The following THOC2 variants were observed in gnomAD, a reference collection of about 807,000 sequenced individuals.
THOC2 encodes THO complex 2.
A neutral mutation model predicts 128.4 loss-of-function variants in THOC2; 10 were observed. That is an observed-to-expected ratio of 0.08 (90% CI 0.05 to 0.13). The LOEUF (loss-of-function observed/expected upper bound fraction) is 0.13, where lower values mean the gene tolerates loss of function less well. Among genes scored for constraint, THOC2 ranks in the 10% least tolerant of loss-of-function variants. The probability of loss-of-function intolerance (pLI) is 1.00; values close to 1 mark genes in which losing one functional copy is unlikely to be tolerated. For missense variants in THOC2, 535 were observed against 1,155.7 expected, an observed-to-expected ratio of 0.46 and a Z score of 7.79; for synonymous variants, 393 against 396.9, an observed-to-expected ratio of 0.99 and a Z score of 0.12.
chrX:123,686,545 T>C lies in THOC2; in HGVS notation c.768+3A>G. 1 of 1,183,978 alleles carries C rather than the reference T, an allele frequency of 8.4e-7. No homozygotes were observed. Among genetic ancestry groups the C allele is most frequent in the Non-Finnish European group, 1.1e-6 (1 of 879,230 alleles). On this transcript the variant is annotated splice_donor_region_variant and intron_variant, in intron 8 of 38. Transcript: ENST00000245838. ...ATATACATACATACACGTTTTTCTT[T>C]ACCTGGTAAAACTTGAATTTGAACC...
chrX:123,668,823 CTTAT>C (rs1369542235), intron 9 of THOC2, among the ~76,000 whole-genome samples: 8 of 111,688 alleles, frequency 7.2e-5, no homozygotes, highest in African/African-American at 9.8e-5. Context: ...TTTCTAGGAG[CTTAT>C]TTAAGTCACA....
intron 7 of THOC2, among the ~76,000 whole-genome samples, chrX:123,687,855 C>T (rs747132885): frequency 9.0e-5 from 10 of 111,463 alleles, no homozygotes; most frequent in Non-Finnish European, 1.7e-4. Flanking sequence ...ATGTCTTACT[C>T]AAAAAAAGCT....
chrX:123,730,198 T>TA (rs1242721497), intron 1 of THOC2, among the ~76,000 whole-genome samples: 1 of 102,734 alleles, frequency 9.7e-6, no homozygotes, highest in Admixed American at 1.1e-4. Context: ...TTTTTTTTTT[T>TA]AAAGAGTTTC....
chrX:123,640,769 C>A, intron 15 of THOC2, 147 bp from the exon 16 acceptor site: 1 of 354,077 alleles, frequency 2.8e-6, no homozygotes, highest in South Asian at 9.4e-5. Flanking sequence ...TTCATCACAT[C>A]CTTTATGGTA....
chrX:123,686,795 C>G, intron 7 of THOC2, 81 bp from the exon 8 acceptor site: 1 of 786,198 alleles, frequency 1.3e-6, no homozygotes, highest in Non-Finnish European at 1.8e-6. Flanking sequence ...AGGAATAACT[C>G]ATATAGCAAG....
chrX:123,667,439 C>T (rs1478128068), intron 10 of THOC2, among the ~76,000 whole-genome samples, 161 bp from the exon 11 acceptor site: 4 of 111,763 alleles, frequency 3.6e-5, no homozygotes, highest in Non-Finnish European at 7.5e-5. Context: ...AAATTTTTAG[C>T]TATTGAAAAA....
intron 1 of THOC2, among the ~76,000 whole-genome samples, chrX:123,720,673 A>G (rs889236073): frequency 1.1e-4 from 12 of 111,287 alleles, no homozygotes; most frequent in African/African-American, 3.9e-4. Context: ...ATGTCCACCA[A>G]CAGAAGAGCA....
Position 123,631,805 on chromosome X carries a change from C to G in THOC2, c.2364G>C (p.Leu788=), listed in dbSNP as rs1032483988. Residue 788 remains leucine (L), a synonymous_variant, in exon 22 of 39, where the codon CTG becomes CTC. Coordinates refer to ENST00000245838, the MANE Select transcript of THOC2 (RefSeq NM_001081550.2). The part of the protein sequence containing the change: ...VQFGGFLASN[L]STEDYIKRVP... ...CTCGCTTTATATAATCTTCTGTGCT[C>G]AGATTAGATGCTAAAAACCCACCAA... The G allele has an allele frequency of 1.7e-6, 2 of 1,207,458 alleles. No homozygotes were observed. Among genetic ancestry groups the G allele is most frequent in the Admixed American group, 4.4e-5 (2 of 45,567 alleles).
At chrX:123,613,583 A>T in intron 35 of THOC2, 27 bp from the exon 36 acceptor site, 1 of 1,207,146 alleles carries the variant, frequency 8.3e-7, no homozygotes, top group Non-Finnish European at 1.1e-6. Context: ...AAATCATGAA[A>T]GCCTTTTCCA....
Position 123,621,470 on chromosome X carries a change from T to C in THOC2, c.3903A>G (p.Glu1301=), listed in dbSNP as rs1239035307. Residue 1301 remains glutamate, a synonymous_variant, in exon 31 of 39, where the codon GAA becomes GAG. Transcript: ENST00000245838. ...EARVLGKDGK[E]KPKEERPNKD... is the part of the protein sequence containing the mutation. ...TATTTGGCCGCTCTTCCTTTGGTTT[T>C]TCTTTACCATCTTTACCAAGTACCC... The C allele has an allele frequency of 5.8e-6, 7 of 1,209,290 alleles. No individual in the cohort carries two copies. Among genetic ancestry groups the C allele is most frequent in the Non-Finnish European group, 7.8e-6 (7 of 895,144 alleles).
At chrX:123,645,949 C>CAAAAA (rs34625161) in intron 12 of THOC2, among the ~76,000 whole-genome samples, 1 of 91,041 alleles carries the variant, frequency 1.1e-5, no homozygotes, top group African/African-American at 4.0e-5. Flanking sequence ...ACAACAAGAG[C>CAAAAA]AAAAAAAAAA....
chrX:123,708,006 C>A (rs372515842), intron 2 of THOC2, among the ~76,000 whole-genome samples: 3 of 108,643 alleles, frequency 2.8e-5, no homozygotes, highest in South Asian at 8.0e-4. Context: ...GTGGCACACA[C>A]CTGTTATGCC....
At chrX:123,723,072 A>G (rs900811972) in intron 1 of THOC2, among the ~76,000 whole-genome samples, 2 of 110,479 alleles carry the variant, frequency 1.8e-5, no homozygotes, top group Admixed American at 1.9e-4. Context: ...CCAGCTACTC[A>G]GGAGGCTGAG....
chrX:123,704,673 C>T (rs756633254), intron 3 of THOC2, among the ~76,000 whole-genome samples: 1 of 111,220 alleles, frequency 9.0e-6, no homozygotes, highest in South Asian at 3.9e-4. Context: ...GCCTGGCCAA[C>T]ATGATGAAAC....
At chrX:123,686,525 C>A (rs1378365892) in intron 8 of THOC2, 23 bp downstream of exon 8, 1 of 1,127,595 alleles carries the variant, frequency 8.9e-7, no homozygotes, top group Non-Finnish European at 1.2e-6. Context: ...TCTAAATATA[C>A]ATACATACAC....
chrX:123,637,535 G>A (rs534379934), intron 18 of THOC2, among the ~76,000 whole-genome samples: 18 of 111,229 alleles, frequency 1.6e-4, no homozygotes, highest in African/African-American at 5.5e-4. Context: ...CGAGGTGGGC[G>A]GATCACTTGA....
At chrX:123,685,802 C>T (rs900738099) in intron 8 of THOC2, among the ~76,000 whole-genome samples, 3 of 111,407 alleles carry the variant, frequency 2.7e-5, no homozygotes, top group Admixed American at 9.6e-5. Context: ...CACAGATTAG[C>T]TTGACCGCTA....
At chrX:123,623,410 AT>A in intron 28 of THOC2, 127 bp from the exon 29 acceptor site, 1 of 725,500 alleles carries the variant, frequency 1.4e-6, no homozygotes, top group Non-Finnish European at 1.9e-6. Flanking sequence ...AAAAATACCA[AT>A]TTTTAATAAG....
intron 1 of THOC2, among the ~76,000 whole-genome samples, chrX:123,724,789 C>A (rs1390894577): frequency 8.9e-6 from 1 of 112,012 alleles, no homozygotes; most frequent in Admixed American, 9.4e-5. Flanking sequence ...TCTGTAATCC[C>A]AGCACTTTGG....
Sources: gnomAD v4.1 joint callset for allele counts (sites outside exome capture counted in the v4.1 genomes callset) on GRCh38, gnomAD v4.1.1 for gene constraint, MANE v1.5 for transcripts, NCBI Gene and HGNC (gene_info 2026-07-23, HGNC 2026-07-21) for gene names.